The following GRM3 variants were observed in gnomAD, a reference collection of about 807,000 sequenced individuals.
The protein encoded by GRM3 is metabotropic glutamate receptor 3.
GRM3 carries 26 observed loss-of-function variants against 70.5 expected under a neutral mutation model. The observed-to-expected ratio is 0.37, with a 90% CI of 0.27 to 0.51. GRM3 has a LOEUF of 0.51. Among genes scored for constraint, GRM3 ranks in the 20% least tolerant of loss-of-function variants. The pLI is 0.93. For synonymous variants in GRM3, 443 were observed against 434.9 expected (o/e 1.02, Z -0.23); for missense variants, 859 against 1,123.8 (o/e 0.76, Z 3.37).
At chr7:86,653,117 T>C (rs2115786753) in intron 1 of GRM3, among the ~76,000 whole-genome samples, 1 of 152,176 alleles carries the variant, frequency 6.6e-6, no homozygotes, top group Non-Finnish European at 1.5e-5. Flanking sequence ...CTGGTGAGAG[T>C]CCTCTTCCCA....
chr7:86,851,559 C>T (rs1798755174), intron 5 of GRM3, among the ~76,000 whole-genome samples: 1 of 152,066 alleles, frequency 6.6e-6, no homozygotes, highest in Non-Finnish European at 1.5e-5. Flanking sequence ...AATTTTGCCT[C>T]GAGTTGATCA....
At chr7:86,827,795 C>A (rs777896498) in intron 3 of GRM3, among the ~76,000 whole-genome samples, 2 of 152,158 alleles carry the variant, frequency 1.3e-5, no homozygotes, top group Non-Finnish European at 2.9e-5. Flanking sequence ...TGAGCCACCA[C>A]GCCCACTGTC....
chr7:86,798,877 T>C (rs940522280), intron 3 of GRM3, among the ~76,000 whole-genome samples: 8 of 82,788 alleles, frequency 9.7e-5, no homozygotes, highest in Non-Finnish European at 1.8e-4. Flanking sequence ...GTTCCCCTCT[T>C]CTTGCCTGAC....
intron 5 of GRM3, among the ~76,000 whole-genome samples, chr7:86,854,750 C>T (rs1238392995): frequency 6.6e-6 from 1 of 152,152 alleles, no homozygotes; most frequent in African/African-American, 2.4e-5. Context: ...ATTTTGAGAA[C>T]CTCTACCTAA....
chr7:86,725,834 G>A (rs552507717), intron 1 of GRM3, among the ~76,000 whole-genome samples: 3 of 152,246 alleles, frequency 2.0e-5, no homozygotes, highest in South Asian at 4.2e-4. Flanking sequence ...CATCCGCCTG[G>A]TTATGTCCTC....
At chr7:86,717,704 T>G (rs1042006268) in intron 1 of GRM3, among the ~76,000 whole-genome samples, 3 of 151,980 alleles carry the variant, frequency 2.0e-5, no homozygotes, top group African/African-American at 7.2e-5. Context: ...TCCTCCGTGT[T>G]ACTTGAAGAC....
chr7:86,673,472 C>T (rs1484593420), intron 1 of GRM3, among the ~76,000 whole-genome samples: 1 of 152,114 alleles, frequency 6.6e-6, no homozygotes, highest in Admixed American at 6.6e-5. Context: ...CTTCTGTCTA[C>T]ATTTTCAAGT....
intron 1 of GRM3, among the ~76,000 whole-genome samples, chr7:86,693,294 T>C (rs761949239): frequency 1.3e-5 from 2 of 152,178 alleles, no homozygotes; most frequent in Non-Finnish European, 2.9e-5. Context: ...TGCATACAAT[T>C]AGTAAGTGGC....
intron 2 of GRM3, among the ~76,000 whole-genome samples, chr7:86,772,039 G>A (rs552977089): frequency 6.6e-6 from 1 of 152,076 alleles, no homozygotes; most frequent in South Asian, 2.1e-4. Context: ...TCATGTACAT[G>A]CCCCTCCATT....
intron 3 of GRM3, among the ~76,000 whole-genome samples, chr7:86,809,503 G>T (rs1469346457): frequency 6.6e-6 from 1 of 151,926 alleles, no homozygotes; most frequent in Non-Finnish European, 1.5e-5. Context: ...GCAATCCTCG[G>T]GTTGCTCTAG....
intron 3 of GRM3, among the ~76,000 whole-genome samples, chr7:86,794,998 G>A (rs544884855): frequency 1.4e-4 from 22 of 151,756 alleles, no homozygotes; most frequent in Admixed American, 1.0e-3. Flanking sequence ...GCTGGACCAA[G>A]TATGATTAGA....
intron 5 of GRM3, among the ~76,000 whole-genome samples, chr7:86,856,649 C>A (rs77125549): frequency 1.3e-5 from 2 of 151,986 alleles, no homozygotes; most frequent in African/African-American, 4.8e-5. Context: ...ATTCCATTCC[C>A]TTTTACTCCC....
rs561383675 is a variant in GRM3, at chr7:86,812,505, T to A, written c.1324+25389T>A. On this transcript the variant is annotated intron_variant, in intron 3 of 5. Coordinates refer to ENST00000361669, the MANE Select transcript of GRM3 (RefSeq NM_000840.3). ...TTCCAAAAAAAGGTTAGGATTAACGTTAAGAATTTAAAATCTACTCTCAGT... is the reference window on the plus strand; with the variant it reads ...TTCCAAAAAAAGGTTAGGATTAACGATAAGAATTTAAAATCTACTCTCAGT... 3.9e-5 allele frequency among the ~76,000 whole-genome samples: 6 copies of A among 151,900 alleles called. No individual in the cohort carries two copies. In the East Asian group the frequency reaches 9.7e-4, roughly 25 times the overall value.
At chr7:86,652,491 C>T (rs188971276) in intron 1 of GRM3, among the ~76,000 whole-genome samples, 24 of 152,114 alleles carry the variant, frequency 1.6e-4, no homozygotes, top group African/African-American at 5.5e-4. Flanking sequence ...CCACCACGCC[C>T]AACTAATTTT....
chr7:86,762,274 G>A (rs2116402934), intron 1 of GRM3, among the ~76,000 whole-genome samples: 1 of 152,140 alleles, frequency 6.6e-6, no homozygotes, highest in African/African-American at 2.4e-5. Context: ...AGATCTCCCA[G>A]GGAGGCTCTG....
intron 1 of GRM3, among the ~76,000 whole-genome samples, chr7:86,655,652 C>G (rs1157860260): frequency 6.6e-6 from 1 of 152,058 alleles, no homozygotes; most frequent in East Asian, 1.9e-4. Flanking sequence ...AAAAAGTAAG[C>G]TTAAAAGTCT....
intron 1 of GRM3, among the ~76,000 whole-genome samples, chr7:86,710,906 G>T (rs1294173245): frequency 6.6e-6 from 1 of 151,926 alleles, no homozygotes; most frequent in Non-Finnish European, 1.5e-5. Flanking sequence ...GGCACAGAAA[G>T]GGTGCCTGAA....
chr7:86,674,195 A>C (rs1794245034), intron 1 of GRM3, among the ~76,000 whole-genome samples: 1 of 151,992 alleles, frequency 6.6e-6, no homozygotes, highest in African/African-American at 2.4e-5. Context: ...GGCTTTCTCT[A>C]ATGTCATCTG....
intron 3 of GRM3, among the ~76,000 whole-genome samples, chr7:86,810,151 G>A (rs965900593): frequency 6.6e-6 from 1 of 151,920 alleles, no homozygotes; most frequent in African/African-American, 2.4e-5. Context: ...ACCTTAAATC[G>A]TCTTTATTCC....
Sources: gnomAD v4.1 joint callset for allele counts (sites outside exome capture counted in the v4.1 genomes callset) on GRCh38, gnomAD v4.1.1 for gene constraint, MANE v1.5 for transcripts, NCBI Gene and HGNC (gene_info 2026-07-23, HGNC 2026-07-21) for gene names.